The following APLP2 variants were observed in gnomAD, a reference collection of about 807,000 sequenced individuals.
APLP2 encodes amyloid beta precursor like protein 2, also known as CDEI box-binding protein.
A neutral mutation model predicts 89.9 loss-of-function variants in APLP2; 53 were observed. That is an observed-to-expected ratio of 0.59 (90% CI 0.47 to 0.74). The LOEUF is 0.74. APLP2 is among the 30% of genes least tolerant of loss of function. APLP2 has a pLI of 0.00. For synonymous variants in APLP2, 372 were observed against 348.6 expected, an observed-to-expected ratio of 1.07 and a Z score of -0.75; for missense variants, 973 against 975.9, an observed-to-expected ratio of 1.00 and a Z score of 0.04.
rs758022826 is a variant in APLP2 at position 130,127,832 on chromosome 11, C to G, written c.1288C>G (p.Leu430Val). ...KNLPKAERQT[L>V]IQHFQAMVKA... is the part of the protein sequence containing the mutation. ...CCTCCCCAAAGCAGAGAGGCAGACTCTGATTCAGGTAAGATGCCTTCTCTG... is the reference window on the plus strand; with the variant it reads ...CCTCCCCAAAGCAGAGAGGCAGACTGTGATTCAGGTAAGATGCCTTCTCTG... Residue 430 changes from leucine (L) to valine (V), a missense_variant, in exon 9 of 17, where the codon CTG (leucine) becomes GTG (valine). Leu to Val is a conservative substitution (Grantham distance 32, BLOSUM62 1). Coordinates refer to ENST00000338167, the MANE Select transcript of APLP2 (RefSeq NM_001142276.2). 1 of 1,613,958 alleles carries G rather than the reference C, an allele frequency of 6.2e-7. No homozygotes were observed. Among genetic ancestry groups the G allele is most frequent in the Admixed American group, 1.7e-5 (1 of 60,014 alleles).
At chr11:130,072,307 G>A (rs1232045236) in intron 1 of APLP2, among the ~76,000 whole-genome samples, 2 of 152,104 alleles carry the variant, frequency 1.3e-5, no homozygotes, top group Admixed American at 6.6e-5. Context: ...TTGAAAGAAA[G>A]AAGGCCATTT....
intron 1 of APLP2, among the ~76,000 whole-genome samples, chr11:130,081,079 C>T (rs1943071693): frequency 1.3e-5 from 2 of 152,100 alleles, no homozygotes; most frequent in South Asian, 2.1e-4. Context: ...TTAGAAAATA[C>T]AGTTTTGACC....
At chr11:130,081,121 A>G (rs1477157459) in intron 1 of APLP2, among the ~76,000 whole-genome samples, 2 of 152,172 alleles carry the variant, frequency 1.3e-5, no homozygotes, top group Admixed American at 6.5e-5. Context: ...CAAAAACAAA[A>G]GAGTAGATTC....
At chr11:130,079,086 T>A (rs546843011) in intron 1 of APLP2, among the ~76,000 whole-genome samples, 7 of 151,200 alleles carry the variant, frequency 4.6e-5, no homozygotes, top group East Asian at 3.9e-4. Flanking sequence ...GTATTTTTTT[T>A]ATTTATTTAT....
At chr11:130,129,546 A>G (rs909522310) in intron 10 of APLP2, among the ~76,000 whole-genome samples, 2 of 152,238 alleles carry the variant, frequency 1.3e-5, no homozygotes, top group African/African-American at 4.8e-5. Context: ...AAGTTACATT[A>G]TAAATAAGAT....
At chr11:130,121,166 G>A (rs1467622353) in intron 4 of APLP2, among the ~76,000 whole-genome samples, 1 of 152,204 alleles carries the variant, frequency 6.6e-6, no homozygotes, top group Non-Finnish European at 1.5e-5. Flanking sequence ...ATATGCACAG[G>A]CAGGACTGCA....
At chr11:130,101,829 T>G (rs1269095483) in intron 1 of APLP2, 1 of 422,206 alleles carries the variant, frequency 2.4e-6, no homozygotes, top group Non-Finnish European at 4.7e-6. Flanking sequence ...ACAGACCTTA[T>G]TCAAATAATT....
chr11:130,109,134 C>T (rs1948199689), intron 1 of APLP2: 2 of 179,712 alleles, frequency 1.1e-5, no homozygotes, highest in Non-Finnish European at 2.3e-5. Flanking sequence ...ACCAACATGG[C>T]ACATGTCTAC....
chr11:130,103,800 G>T (rs1947267359), intron 1 of APLP2, among the ~76,000 whole-genome samples: 1 of 152,138 alleles, frequency 6.6e-6, no homozygotes, highest in Non-Finnish European at 1.5e-5. Context: ...AGGCTGAACT[G>T]CTGACAGATT....
chr11:130,093,900 C>A (rs900382072), intron 1 of APLP2, among the ~76,000 whole-genome samples: 3 of 151,940 alleles, frequency 2.0e-5, no homozygotes, highest in South Asian at 2.1e-4. Context: ...TGTGCCACCA[C>A]GTCTGGCTAA....
chr11:130,103,530 G>T (rs79658135), intron 1 of APLP2, among the ~76,000 whole-genome samples: 9,073 of 152,142 alleles, frequency 0.06, 280 homozygotes, highest in Non-Finnish European at 0.073. Flanking sequence ...GCACAGAGCC[G>T]AAATGCACTT....
intron 1 of APLP2, among the ~76,000 whole-genome samples, chr11:130,086,355 C>A (rs1944120494): frequency 6.6e-6 from 1 of 152,118 alleles, no homozygotes; most frequent in East Asian, 1.9e-4. Flanking sequence ...AAGTCTTTGG[C>A]CCATTTTCGA....
chr11:130,109,659 G>A (rs1948290945), intron 2 of APLP2, 57 bp downstream of exon 2: 1 of 1,520,134 alleles, frequency 6.6e-7, no homozygotes, highest in Non-Finnish European at 8.9e-7. Flanking sequence ...GGTTGAATCT[G>A]TTTACCTTAG....
At chr11:130,072,264 T>A (rs940609264) in intron 1 of APLP2, among the ~76,000 whole-genome samples, 2 of 152,196 alleles carry the variant, frequency 1.3e-5, no homozygotes, top group Non-Finnish European at 2.9e-5. Context: ...ACTAGGCTCC[T>A]GAGAACCGGA....
At chr11:130,134,825 GA>G (rs1325398951) in intron 12 of APLP2, among the ~76,000 whole-genome samples, 1 of 152,212 alleles carries the variant, frequency 6.6e-6, no homozygotes, top group African/African-American at 2.4e-5. Context: ...GCGGCATCAA[GA>G]AGTGCACTTA....
At chr11:130,114,535 T>C (rs1948961513) in intron 3 of APLP2, among the ~76,000 whole-genome samples, 1 of 152,224 alleles carries the variant, frequency 6.6e-6, no homozygotes, top group African/African-American at 2.4e-5. Flanking sequence ...ATTTGGCCAG[T>C]GGGGGCCCCG....
At chr11:130,131,192 G>A (rs186052120) in intron 11 of APLP2, among the ~76,000 whole-genome samples, 159 of 152,282 alleles carry the variant, frequency 1.0e-3, no homozygotes, top group Admixed American at 7.9e-3. Context: ...TCTGCCTCCC[G>A]GGTTCAAATG....
Position 130,090,298 on chromosome 11 carries a change from G to T in APLP2, c.106-19131G>T, listed in dbSNP as rs1363371221. ...TTATTTTTTTATTGATAATTCTTGG[G>T]TGTTTCTCACAGAGGGGGATTTGGC... On this transcript the variant is annotated intron_variant, in intron 1 of 16. Transcript: ENST00000338167. 2.9e-5 allele frequency among the ~76,000 whole-genome samples: 4 copies of T among 136,196 alleles called. No homozygotes were observed. In the Admixed American group the frequency reaches 3.0e-4, roughly 10 times the overall value. The allele number at this position is 136,196 out of a possible 152,430, so 89.3% of individuals were successfully genotyped here. A position where few individuals can be genotyped will look rare whatever the true frequency, so the allele number is the denominator to read the frequency against.
At chr11:130,137,331 C>A in intron 13 of APLP2, 1 of 1,556,572 alleles carries the variant, frequency 6.4e-7, no homozygotes, top group Non-Finnish European at 8.9e-7. Context: ...ACCTTCATTC[C>A]TCTCCACTCC....
Sources: allele counts gnomAD v4.1 joint callset (sites outside exome capture counted in the v4.1 genomes callset), GRCh38; gene constraint gnomAD v4.1.1; transcripts MANE v1.5; gene names NCBI Gene and HGNC (gene_info 2026-07-23, HGNC 2026-07-21).